UBE2K: variants seen among roughly 807,000 people sequenced by gnomAD.
UBE2K encodes ubiquitin-conjugating enzyme E2 K.
Under a neutral mutation model 30.0 loss-of-function variants are expected in UBE2K, and 6 were observed. The observed-to-expected ratio is 0.20, with a 90% CI of 0.11 to 0.39. The LOEUF (loss-of-function observed/expected upper bound fraction) is 0.39, where lower values mean the gene tolerates loss of function less well. Among genes scored for constraint, UBE2K ranks in the 10% least tolerant of loss-of-function variants. The probability of loss-of-function intolerance (pLI) is 1.00; values close to 1 mark genes in which losing one functional copy is unlikely to be tolerated. For synonymous variants in UBE2K, 86 were observed against 83.7 expected (o/e 1.03, Z -0.15); for missense variants, 61 against 241.6 (o/e 0.25, Z 4.96).
rs1229969929 is a variant in UBE2K, at chr4:39,782,232, G to A, written c.*3798G>A. On this transcript the variant is annotated 3_prime_UTR_variant, in exon 7 of 7. Coordinates refer to ENST00000261427, the MANE Select transcript of UBE2K (RefSeq NM_005339.5). ...ACAGTTTGTCAGTTTGATTATAGGTGTGAGTGGATAGAAATCATTACACTG... is the reference window on the plus strand; with the variant it reads ...ACAGTTTGTCAGTTTGATTATAGGTATGAGTGGATAGAAATCATTACACTG... 2.8e-6 allele frequency: 1 copy of A among 352,010 alleles called. No homozygotes were observed. The highest frequency in any genetic ancestry group is 5.1e-6 in the Non-Finnish European group (1 of 196,778). The allele number at this position is 352,010 out of a possible 1,614,324, so 21.8% of individuals were successfully genotyped here. A position where few individuals can be genotyped will look rare whatever the true frequency, so the allele number is the denominator to read the frequency against.
rs1713069360 is a variant in UBE2K, at chr4:39,773,599, G to T, written c.300-1235G>T. Among the ~76,000 whole-genome samples, 3 of 152,114 alleles carry T rather than the reference G, an allele frequency of 2.0e-5. No individual in the cohort carries two copies. The South Asian group carries it at 6.2e-4, about 32-fold the overall frequency. On this transcript the variant is annotated intron_variant, in intron 4 of 6. Coordinates refer to ENST00000261427, the MANE Select transcript of UBE2K (RefSeq NM_005339.5). The stretch of plus-strand genomic sequence containing the variant: ...TCACTTTAACTTTGTTTAGAGAAAT[G>T]GATAGAAAAATAAGTGAGTGGATAA...
intron 4 of UBE2K, among the ~76,000 whole-genome samples, chr4:39,757,011 G>C (rs13103375): frequency 5.2e-5 from 4 of 76,824 alleles, no homozygotes; most frequent in African/African-American, 2.1e-4. Context: ...TTTTTTTTTT[G>C]TTTTTTGTTT....
intron 1 of UBE2K, among the ~76,000 whole-genome samples, chr4:39,719,792 T>C (rs1437800785): frequency 6.6e-6 from 1 of 152,230 alleles, no homozygotes; most frequent in African/African-American, 2.4e-5. Context: ...CTGTAGTGAC[T>C]TAGTTTTTGT....
At chr4:39,700,221 T>C (rs1717930995) in intron 1 of UBE2K, among the ~76,000 whole-genome samples, 1 of 152,164 alleles carries the variant, frequency 6.6e-6, no homozygotes, top group Non-Finnish European at 1.5e-5. Flanking sequence ...AGTTGAAGAT[T>C]ACCAGAAATA....
Position 39,698,295 on chromosome 4 carries a change from G to A in UBE2K, c.-33G>A, listed in dbSNP as rs1717804881. On this transcript the variant is annotated 5_prime_UTR_variant, in exon 1 of 7. Transcript: ENST00000261427. Reference sequence around the variant, plus strand: ...TGGCGGTGGTCGTAGCGGTGGCGGAGGAGGCGGGTACGAATCAGCTGCGGG... The same window carrying A: ...TGGCGGTGGTCGTAGCGGTGGCGGAAGAGGCGGGTACGAATCAGCTGCGGG... 2 of 1,600,704 alleles carry A rather than the reference G, an allele frequency of 1.2e-6. No homozygotes were observed. Among genetic ancestry groups the A allele is most frequent in the Admixed American group, 3.4e-5 (2 of 58,270 alleles).
chr4:39,721,698 C>G (rs531281261), intron 1 of UBE2K, among the ~76,000 whole-genome samples: 21 of 152,154 alleles, frequency 1.4e-4, no homozygotes, highest in African/African-American at 4.6e-4. Flanking sequence ...AGAGAAAAGT[C>G]GAAAGGACAG....
Position 39,782,108 on chromosome 4 carries a change from A to G in UBE2K, c.*3674A>G, listed in dbSNP as rs1251490482. ...TCTGTTACTGCTTCATTGGACTGAT[A>G]CACCCTCATGAACTTGCAATCACCT... On this transcript the variant is annotated 3_prime_UTR_variant, in exon 7 of 7. Coordinates refer to ENST00000261427, the MANE Select transcript of UBE2K (RefSeq NM_005339.5). The G allele has an allele frequency of 4.0e-5, 16 of 396,050 alleles. No individual in the cohort carries two copies. Among genetic ancestry groups the G allele is most frequent in the Non-Finnish European group, 6.7e-5 (15 of 224,774 alleles). 24.5% of individuals were successfully genotyped at this position (396,050 alleles called of 1,614,324 possible).
intron 4 of UBE2K, 77 bp downstream of exon 4, chr4:39,755,816 C>T (rs747645439): frequency 2.8e-6 from 3 of 1,071,320 alleles, no homozygotes; most frequent in Non-Finnish European, 4.1e-6. Flanking sequence ...GTGTAATTGC[C>T]TCAAAACATA....
chr4:39,737,720 A>G (rs1212286381), intron 2 of UBE2K, among the ~76,000 whole-genome samples: 1 of 152,160 alleles, frequency 6.6e-6, no homozygotes, highest in African/African-American at 2.4e-5. Flanking sequence ...TCTTTCCATA[A>G]AACAGTTTTA....
At chr4:39,714,545 T>TAC (rs1553874915) in intron 1 of UBE2K, 1 of 52,826 alleles carries the variant, frequency 1.9e-5, no homozygotes. Context: ...TATATATATA[T>TAC]ATATATTTTT....
At chr4:39,767,702 A>G (rs1253632826) in intron 4 of UBE2K, among the ~76,000 whole-genome samples, 3 of 152,098 alleles carry the variant, frequency 2.0e-5, no homozygotes, top group Non-Finnish European at 2.9e-5. Context: ...AGTATGAAGG[A>G]CTTGCAAGAT....
intron 1 of UBE2K, among the ~76,000 whole-genome samples, chr4:39,702,803 T>C (rs1391865533): frequency 6.6e-6 from 1 of 152,112 alleles, no homozygotes. Flanking sequence ...TTGGCACTAC[T>C]GACATTTTGG....
chr4:39,758,457 C>A (rs7685348), intron 4 of UBE2K, among the ~76,000 whole-genome samples: 262 of 152,280 alleles, frequency 1.7e-3, no homozygotes, highest in African/African-American at 5.5e-3. Flanking sequence ...GTGGGCAGAT[C>A]GCTTGAGGTC....
Position 39,759,121 on chromosome 4 carries a change from A to G in UBE2K, c.299+3382A>G, listed in dbSNP as rs973495981. On this transcript the variant is annotated intron_variant, in intron 4 of 6. Transcript: ENST00000261427. ...TTCAGAACTGGAATTTGATAGAGAA[A>G]AATACAGAGTCTTAATCATAGGAAA... Among the ~76,000 whole-genome samples, 59 of 152,334 alleles carry G rather than the reference A, an allele frequency of 3.9e-4. 1 individual carries two copies. The highest frequency in any genetic ancestry group is 3.4e-3 in the Middle Eastern group (1 of 294).
In UBE2K at chr4:39,772,521, G is replaced by A. The variant is rs144524031; in HGVS notation, c.300-2313G>A. 9.9e-5 allele frequency among the ~76,000 whole-genome samples: 15 copies of A among 152,042 alleles called. No homozygotes were observed. In the East Asian group the frequency reaches 2.9e-3, roughly 29 times the overall value. ...GCCAAAGAGGTCAAGGCTACAGTGA[G>A]CCTTGATTGTACCACTGCACTTTAG... On this transcript the variant is annotated intron_variant, in intron 4 of 6. Coordinates refer to ENST00000261427, the MANE Select transcript of UBE2K (RefSeq NM_005339.5).
chr4:39,771,636 C>G (rs2109406203), intron 4 of UBE2K, among the ~76,000 whole-genome samples: 1 of 152,166 alleles, frequency 6.6e-6, no homozygotes, highest in South Asian at 2.1e-4. Flanking sequence ...GGGGTAGGGG[C>G]GGGAGCGGCT....
At chr4:39,735,124 C>T (rs1017803473) in intron 1 of UBE2K, among the ~76,000 whole-genome samples, 20 of 152,224 alleles carry the variant, frequency 1.3e-4, no homozygotes, top group Admixed American at 1.3e-4. Context: ...TAAGTTAACA[C>T]TGGCTTCTTA....
intron 3 of UBE2K, among the ~76,000 whole-genome samples, chr4:39,754,832 T>C (rs1035342252): frequency 5.3e-5 from 8 of 152,206 alleles, no homozygotes; most frequent in African/African-American, 1.7e-4. Flanking sequence ...AATTGGCACA[T>C]AGTAATTAAT....
At chr4:39,760,957 G>A (rs1023548582) in intron 4 of UBE2K, 3 of 152,180 alleles carry the variant, frequency 2.0e-5, no homozygotes, top group Admixed American at 6.5e-5. Context: ...CAGCTGCATG[G>A]TATCTTAACT....
Sources: gnomAD v4.1 joint callset for allele counts (sites outside exome capture counted in the v4.1 genomes callset) on GRCh38, gnomAD v4.1.1 for gene constraint, MANE v1.5 for transcripts, NCBI Gene and HGNC (gene_info 2026-07-23, HGNC 2026-07-21) for gene names.